GPX5: variants seen among roughly 807,000 people sequenced by gnomAD.
GPX5 encodes glutathione peroxidase 5, also known as epididymal secretory glutathione peroxidase.
Under a neutral mutation model 23.8 loss-of-function variants are expected in GPX5, and 20 were observed. That is an observed-to-expected ratio of 0.84 (90% CI 0.59 to 1.22). The LOEUF (loss-of-function observed/expected upper bound fraction) is 1.22. GPX5 is among the 50% of genes most tolerant of loss of function. The probability of loss-of-function intolerance (pLI) is 0.00; values close to 1 mark genes in which losing one functional copy is unlikely to be tolerated. For missense variants in GPX5, 230 were observed against 266.6 expected, an observed-to-expected ratio of 0.86 and a Z score of 0.96; for synonymous variants, 92 against 99.5, an observed-to-expected ratio of 0.92 and a Z score of 0.45.
intron 3 of GPX5, 96 bp from the exon 4 acceptor site, chr6:28,532,225 T>C: frequency 1.3e-6 from 1 of 768,198 alleles, no homozygotes; most frequent in Non-Finnish European, 2.1e-6. Context: ...TACTTCCCTC[T>C]TTCTCCCCTT....
chr6:28,530,442 A>G (rs1389158876), intron 2 of GPX5, among the ~76,000 whole-genome samples: 4 of 152,198 alleles, frequency 2.6e-5, no homozygotes, highest in Non-Finnish European at 5.9e-5. Context: ...TATATTCACA[A>G]GTCTCAAAGT....
At chr6:28,531,389 A>AAG (rs1554164854) in intron 2 of GPX5, among the ~76,000 whole-genome samples, 59 of 69,540 alleles carry the variant, frequency 8.5e-4, no homozygotes, top group Non-Finnish European at 6.7e-4. Context: ...AAAAAAAAAA[A>AAG]AAAAGAAAAG....
chr6:28,532,146 A>G (rs994272641), intron 3 of GPX5, among the ~76,000 whole-genome samples, 175 bp from the exon 4 acceptor site: 17 of 152,172 alleles, frequency 1.1e-4, no homozygotes, highest in African/African-American at 4.1e-4. Flanking sequence ...GTCATGGGAT[A>G]GAGAGAAATA....
intron 1 of GPX5, 65 bp downstream of exon 1, chr6:28,526,165 A>G (rs1763205018): frequency 2.5e-6 from 3 of 1,206,818 alleles, no homozygotes; most frequent in Non-Finnish European, 2.5e-6. Context: ...CCTGCCCTCC[A>G]CTCCTTCTTG....
intron 1 of GPX5, chr6:28,527,747 T>G (rs1763236914): frequency 6.6e-6 from 1 of 152,210 alleles, no homozygotes; most frequent in Non-Finnish European, 1.5e-5. Flanking sequence ...TCATATATAT[T>G]CTGTATTCCA....
chr6:28,529,717 A>C, intron 2 of GPX5, 113 bp downstream of exon 2: 1 of 880,456 alleles, frequency 1.1e-6, no homozygotes, highest in Non-Finnish European at 1.6e-6. Flanking sequence ...ATAAATACTC[A>C]TAATCAAGTG....
chr6:28,526,545 A>G (rs1362135292), intron 1 of GPX5, among the ~76,000 whole-genome samples: 1 of 152,110 alleles, frequency 6.6e-6, no homozygotes, highest in Non-Finnish European at 1.5e-5. Context: ...TTAAGGATGG[A>G]TAAAATCAGA....
Position 28,534,058 on chromosome 6 carries a change from T to C in GPX5, c.557T>C (p.Phe186Ser), listed in dbSNP as rs1301907641. 6.2e-7 allele frequency: 1 copy of C among 1,612,222 alleles called. No homozygotes were observed. Among genetic ancestry groups the C allele is most frequent in the African/African-American group, 1.3e-5 (1 of 74,928 alleles). The change falls in exon 5 of 5, where the codon TTC becomes TCC. Residue 186 changes from phenylalanine to serine, a missense_variant. Transcript: ENST00000412168. ...GACATCCGTTGGAACTTTGAAAAGT[T>C]CCTGGTGGGGCCTGATGGAATCCCT... ...VHDIRWNFEK[F>S]LVGPDGIPVM...
rs1248620657 is a variant in GPX5, at chr6:28,531,922, G to A, written c.359+27G>A. On this transcript the variant is annotated intron_variant, in intron 3 of 4. Coordinates refer to ENST00000412168, the MANE Select transcript of GPX5 (RefSeq NM_001509.3). ...TACGTGTCTTCTTGAAATCCAATAGGAGGCGCCTGTGTACCTTTCCTCAGT... is the reference window on the plus strand; with the variant it reads ...TACGTGTCTTCTTGAAATCCAATAGAAGGCGCCTGTGTACCTTTCCTCAGT... The A allele has an allele frequency of 5.3e-6, 8 of 1,500,168 alleles. No homozygotes were observed. In the Admixed American group the frequency reaches 6.7e-5, roughly 13 times the overall value. The allele number at this position is 1,500,168 out of a possible 1,614,324, so 92.9% of individuals were successfully genotyped here. A position where few individuals can be genotyped will look rare whatever the true frequency, so the allele number is the denominator to read the frequency against.
intron 1 of GPX5, chr6:28,528,207 G>A (rs1763243445): frequency 6.6e-6 from 1 of 152,184 alleles, no homozygotes; most frequent in African/African-American, 2.4e-5. Context: ...TGGCTTACAT[G>A]ACCACCATGT....
chr6:28,530,279 A>G (rs1763289005), intron 2 of GPX5, among the ~76,000 whole-genome samples: 1 of 152,204 alleles, frequency 6.6e-6, no homozygotes, highest in Non-Finnish European at 1.5e-5. Context: ...TTTGTACATT[A>G]TTCAGGGAAG....
chr6:28,532,423 G>A lies in GPX5; in HGVS notation c.459+3G>A. On this transcript the variant is annotated splice_donor_region_variant and intron_variant, in intron 4 of 4. Transcript: ENST00000412168. ...AGAAAGTCTTCAGTTTCTTGAAGGT[G>A]AGTAAATTCCTGGCATAAGCCTCCT... 6.4e-7 allele frequency: 1 copy of A among 1,555,062 alleles called. No homozygotes were observed. The highest frequency in any genetic ancestry group is 8.8e-7 in the Non-Finnish European group (1 of 1,141,960).
chr6:28,531,151 C>A (rs998671279), intron 2 of GPX5, among the ~76,000 whole-genome samples: 11 of 144,618 alleles, frequency 7.6e-5, no homozygotes, highest in Non-Finnish European at 1.5e-4. Flanking sequence ...GTGAGCCAGG[C>A]TGCACAGAGG....
chr6:28,530,167 C>CTGCA (rs1763287027), intron 2 of GPX5: 1 of 152,188 alleles, frequency 6.6e-6, no homozygotes, highest in Non-Finnish European at 1.5e-5. Flanking sequence ...ATACCTGGAA[C>CTGCA]TGCATTTGAT....
intron 2 of GPX5, among the ~76,000 whole-genome samples, chr6:28,530,996 G>T (rs1763300574): frequency 6.6e-6 from 1 of 152,186 alleles, no homozygotes. Flanking sequence ...GGCAGCTGAA[G>T]CTTGTTTTTC....
chr6:28,530,183 T>C (rs1252982125), intron 2 of GPX5: 1 of 152,078 alleles, frequency 6.6e-6, no homozygotes, highest in Non-Finnish European at 1.5e-5. Flanking sequence ...TTGATTAGAG[T>C]GAGGGCTGGC....
chr6:28,525,983 C>T lies in GPX5; in HGVS notation c.-31C>T, dbSNP rs553690790. On this transcript the variant is annotated 5_prime_UTR_variant, in exon 1 of 5. Coordinates refer to ENST00000412168, the MANE Select transcript of GPX5 (RefSeq NM_001509.3). ...TGCAGAGGTGGGCAAAGACCTCAGG[C>T]CCCCAGACTAGCAATCTACAAACAC... The T allele has an allele frequency of 6.6e-7, 1 of 1,522,512 alleles. No homozygotes were observed. The highest frequency in any genetic ancestry group is 9.1e-7 in the Non-Finnish European group (1 of 1,098,194). The allele number at this position is 1,522,512 out of a possible 1,614,324, so 94.3% of individuals were successfully genotyped here. A position where few individuals can be genotyped will look rare whatever the true frequency, so the allele number is the denominator to read the frequency against.
chr6:28,531,177 TGGCTAA>T (rs1763305224), intron 2 of GPX5, among the ~76,000 whole-genome samples: 9 of 151,320 alleles, frequency 5.9e-5, no homozygotes, highest in Non-Finnish European at 1.2e-4. Context: ...AGCTCAGTCC[TGGCTAA>T]CATGGCGAAA....
At chr6:28,526,387 C>G (rs945443059) in intron 1 of GPX5, among the ~76,000 whole-genome samples, 1 of 152,182 alleles carries the variant, frequency 6.6e-6, no homozygotes, top group Non-Finnish European at 1.5e-5. Flanking sequence ...ACATCAGTCT[C>G]TGCTTCAGAG....
Sources: gnomAD v4.1 joint callset for allele counts (sites outside exome capture counted in the v4.1 genomes callset) on GRCh38, gnomAD v4.1.1 for gene constraint, MANE v1.5 for transcripts, NCBI Gene and HGNC (gene_info 2026-07-23, HGNC 2026-07-21) for gene names.